The following ANKMY1 variants were observed in gnomAD, a reference collection of about 807,000 sequenced individuals.
ANKMY1 encodes the protein ankyrin repeat and MYND domain containing 1.
A neutral mutation model predicts 102.0 loss-of-function variants in ANKMY1; 98 were observed. That is an observed-to-expected ratio of 0.96 (90% CI 0.82 to 1.14). ANKMY1 has a LOEUF of 1.14. Among genes scored for constraint, ANKMY1 ranks in the 50% most tolerant of loss-of-function variants. The pLI is 0.00. For missense variants in ANKMY1, 1,330 were observed against 1,347.6 expected (o/e 0.99, Z 0.20); for synonymous variants, 582 against 559.9 (o/e 1.04, Z -0.56).
intron 13 of ANKMY1, 124 bp from the exon 14 acceptor site, chr2:240,500,689 G>A (rs150892360): frequency 8.3e-5 from 61 of 734,682 alleles, no homozygotes; most frequent in African/African-American, 2.5e-4. Context: ...TGCAGTGTGC[G>A]GGAATGCCCA....
intron 16 of ANKMY1, 37 bp downstream of exon 16, chr2:240,482,146 C>G: frequency 6.2e-7 from 1 of 1,603,866 alleles, no homozygotes; most frequent in Non-Finnish European, 8.5e-7. Flanking sequence ...CCACAGGCTG[C>G]CATCCTGGAA....
intron 15 of ANKMY1, among the ~76,000 whole-genome samples, chr2:240,484,968 T>A (rs1170403346): frequency 6.6e-6 from 1 of 152,144 alleles, no homozygotes; most frequent in Non-Finnish European, 1.5e-5. Context: ...TCACTGGTCA[T>A]TAGAGAAATG....
chr2:240,498,188 G>C (rs566927953), intron 15 of ANKMY1, among the ~76,000 whole-genome samples: 1 of 150,986 alleles, frequency 6.6e-6, no homozygotes, highest in Non-Finnish European at 1.5e-5. Context: ...GTTTGTGTTG[G>C]GGGGGGACAT....
the ANKMY1 span, among the ~76,000 whole-genome samples, chr2:240,474,147 G>A: frequency 6.6e-6 from 1 of 151,794 alleles, no homozygotes; most frequent in East Asian, 1.9e-4. Context: ...CCAGACTGGA[G>A]TGCAGTGGCG....
chr2:240,542,461 G>A (rs527701958), intron 4 of ANKMY1, among the ~76,000 whole-genome samples: 16 of 150,958 alleles, frequency 1.1e-4, no homozygotes, highest in South Asian at 4.2e-4. Context: ...CTGATACCGC[G>A]CCACTGCACG....
At chr2:240,514,292 G>A (rs2080801271) in intron 9 of ANKMY1, among the ~76,000 whole-genome samples, 1 of 152,180 alleles carries the variant, frequency 6.6e-6, no homozygotes. Context: ...AGGAGCTCCA[G>A]GCCAGTAGGG....
Position 240,500,572 on chromosome 2 carries a change from A to C in ANKMY1, c.2527-7T>G. 6.2e-7 allele frequency: 1 copy of C among 1,613,040 alleles called. No individual in the cohort carries two copies. The highest frequency in any genetic ancestry group is 8.5e-7 in the Non-Finnish European group (1 of 1,179,160). ...GACTGATGAGTCGGTCAATCTGTGG[A>C]GAACAGAACCAGGTCAAACACGCAA... On this transcript the variant is annotated splice_polypyrimidine_tract_variant and splice_region_variant and intron_variant, in intron 13 of 17. Transcript: ENST00000401804.
chr2:240,499,360 G>C lies in ANKMY1; in HGVS notation c.2806+598C>G, dbSNP rs2077754529. Among the ~76,000 whole-genome samples, 1 of 136,352 alleles carries C rather than the reference G, an allele frequency of 7.3e-6. No individual in the cohort carries two copies. The highest frequency in any genetic ancestry group is 2.8e-5 in the African/African-American group (1 of 36,356). 89.5% of individuals were successfully genotyped at this position (136,352 alleles called of 152,430 possible). A position where few individuals can be genotyped will look rare whatever the true frequency, so the allele number is the denominator to read the frequency against. ...AGGGGGTATGTGGGGGTGGGGGTGA[G>C]TAGGTGGGTGGGGATGTGGGGGTAG... is the stretch of plus-strand genomic sequence containing the variant. On this transcript the variant is annotated intron_variant, in intron 15 of 17. Coordinates refer to ENST00000401804, the MANE Select transcript of ANKMY1 (RefSeq NM_001282771.3). The surrounding 1 kb of genome is among the most constrained non-coding windows in gnomAD (Gnocchi z 4.2).
downstream of ANKMY1, among the ~76,000 whole-genome samples, chr2:240,475,187 T>A (rs542467930): frequency 1.3e-5 from 2 of 152,370 alleles, no homozygotes; most frequent in South Asian, 4.1e-4. Flanking sequence ...ATTAAGCTTT[T>A]TTCATATGCT....
At chr2:240,523,862 C>CA in intron 8 of ANKMY1, 23 bp downstream of exon 8, 1 of 1,602,896 alleles carries the variant, frequency 6.2e-7, no homozygotes, top group East Asian at 2.2e-5. Flanking sequence ...CCTCCACCCC[C>CA]ACCAGCTGGT....
chr2:240,500,418 C>A lies in ANKMY1; in HGVS notation c.2640+34G>T, dbSNP rs371070234. 66 of 1,594,500 alleles carry A rather than the reference C, an allele frequency of 4.1e-5. No individual in the cohort carries two copies. In the African/African-American group the frequency reaches 8.2e-4, roughly 20 times the overall value. On this transcript the variant is annotated intron_variant, in intron 14 of 17. Transcript: ENST00000401804. ...GGGGGCCCTGCACGTGACCCACACT[C>A]CCCCTCCTTCCTCATGGGAGGCTCA...
At chr2:240,497,726 G>C (rs1453128280) in intron 15 of ANKMY1, among the ~76,000 whole-genome samples, 2 of 152,142 alleles carry the variant, frequency 1.3e-5, no homozygotes, top group Non-Finnish European at 2.9e-5. Flanking sequence ...AACTGTCTTT[G>C]CTCTGTTAAA....
intron 4 of ANKMY1, among the ~76,000 whole-genome samples, chr2:240,545,011 C>G (rs1413190276): frequency 6.6e-6 from 1 of 152,252 alleles, no homozygotes; most frequent in Non-Finnish European, 1.5e-5. Flanking sequence ...CCCACCACAG[C>G]TCAAGGAGGC....
At position 240,526,722 on chromosome 2, in the gene ANKMY1, C is replaced by T. The variant is rs2083513286; in HGVS notation, c.954-277G>A. ...TGTGCTGGCTGCGAGTACATCCATG[C>T]ATCTCTGATTCATCTGGGTGTTTGC... On this transcript the variant is annotated intron_variant, in intron 5 of 17. Coordinates refer to ENST00000401804, the MANE Select transcript of ANKMY1 (RefSeq NM_001282771.3). The T allele has an allele frequency of 2.9e-6, 4 of 1,361,596 alleles. No individual in the cohort carries two copies. In the South Asian group the frequency reaches 6.1e-5, roughly 21 times the overall value. 84.3% of individuals were successfully genotyped at this position (1,361,596 alleles called of 1,614,324 possible).
In ANKMY1 at chr2:240,479,604, C is replaced by T; in HGVS notation, c.*5G>A. 6.2e-7 allele frequency: 1 copy of T among 1,613,978 alleles called. No homozygotes were observed. Among genetic ancestry groups the T allele is most frequent in the Non-Finnish European group, 8.5e-7 (1 of 1,180,020 alleles). On this transcript the variant is annotated 3_prime_UTR_variant, in exon 18 of 18. Transcript: ENST00000401804. ...TCCCCAAGCCTCGGACGTGCAGCTG[C>T]TGCTTCACTGGAATTCTTCTCTCCT...
At chr2:240,474,082 T>C in the ANKMY1 span, among the ~76,000 whole-genome samples, 1 of 139,040 alleles carries the variant, frequency 7.2e-6, no homozygotes, top group African/African-American at 2.9e-5. Flanking sequence ...CTGTCTCTGT[T>C]TGCCAATAAC....
At chr2:240,561,013 CG>C (rs1559408865), upstream of ANKMY1, 3 of 1,534,110 alleles carry the variant, frequency 2.0e-6, no homozygotes, top group South Asian at 3.6e-5. Flanking sequence ...CGCAGCCGCT[CG>C]GCCGCCGTCT....
intron 4 of ANKMY1, among the ~76,000 whole-genome samples, chr2:240,533,789 A>T (rs1356046592): frequency 6.6e-6 from 1 of 152,156 alleles, no homozygotes; most frequent in Non-Finnish European, 1.5e-5. Context: ...TCATGAAAAA[A>T]ATACAAAAAA....
chr2:240,470,312 G>C, the ANKMY1 span, among the ~76,000 whole-genome samples: 1 of 152,208 alleles, frequency 6.6e-6, no homozygotes, highest in Non-Finnish European at 1.5e-5. Context: ...CATCAAAGAA[G>C]TGGGTAGAGT....
Sources: gnomAD v4.1 joint callset for allele counts (sites outside exome capture counted in the v4.1 genomes callset) on GRCh38, gnomAD v4.1.1 for gene constraint, Gnocchi (gnomAD v3.1) non-coding constraint, MANE v1.5 for transcripts, NCBI Gene and HGNC (gene_info 2026-07-23, HGNC 2026-07-21) for gene names.